Variants in KDM4B observed in about 807,000 individuals in gnomAD.
KDM4B encodes lysine-specific demethylase 4B.
KDM4B carries 32 observed loss-of-function variants against 125.2 expected under a neutral mutation model. The observed-to-expected ratio is 0.26, with a 90% CI of 0.19 to 0.34. KDM4B has a LOEUF of 0.34. Ranked by LOEUF, KDM4B falls within the 10% of genes least tolerant of loss-of-function variation. The probability of loss-of-function intolerance (pLI) is 1.00; values close to 1 mark genes in which losing one functional copy is unlikely to be tolerated. For missense variants in KDM4B, 1,190 were observed against 1,577.7 expected (o/e 0.75, Z 4.16); for synonymous variants, 721 against 677.9 (o/e 1.06, Z -0.99).
At chr19:5,025,878 T>G (rs1599443528) in intron 2 of KDM4B, among the ~76,000 whole-genome samples, 1 of 152,190 alleles carries the variant, frequency 6.6e-6, no homozygotes, top group African/African-American at 2.4e-5. Flanking sequence ...TTTATTTATT[T>G]TATTTTACTT....
rs1465170304 is a variant in KDM4B at position 5,110,801 on chromosome 19, G to A, written c.1098G>A (p.Lys366=). The change falls in exon 10 of 23, where the codon AAG becomes AAA. Residue 366 remains lysine (K), a synonymous_variant. Coordinates refer to ENST00000159111, the MANE Select transcript of KDM4B (RefSeq NM_015015.3). ...SSWSASRASL[K]AKLLRRSHRK... ...GGAGTGCATCCCGGGCCTCGCTGAA[G>A]GCCAAGCTCCTCCGCAGGTGAGTTG... 2 of 1,590,596 alleles carry A rather than the reference G, an allele frequency of 1.3e-6. No individual in the cohort carries two copies. The highest frequency in any genetic ancestry group is 2.7e-5 in the African/African-American group (2 of 74,584).
chr19:5,033,205 G>C (rs1034479912), intron 3 of KDM4B, among the ~76,000 whole-genome samples, 174 bp downstream of exon 3: 36 of 152,332 alleles, frequency 2.4e-4, no homozygotes, highest in African/African-American at 7.2e-4. Context: ...CCAACAATGT[G>C]CCAGGCACCA....
At chr19:4,999,251 CA>C (rs1181140138) in intron 1 of KDM4B, among the ~76,000 whole-genome samples, 2 of 152,114 alleles carry the variant, frequency 1.3e-5, no homozygotes, top group African/African-American at 4.8e-5. Flanking sequence ...GGTTATAATC[CA>C]CTGCCATCAC....
chr19:5,099,748 C>T (rs1250422025), intron 9 of KDM4B, among the ~76,000 whole-genome samples: 1 of 152,174 alleles, frequency 6.6e-6, no homozygotes, highest in Non-Finnish European at 1.5e-5. Flanking sequence ...AAAAGAGCCC[C>T]CAGAGAGCTC....
intron 1 of KDM4B, among the ~76,000 whole-genome samples, chr19:5,005,239 A>C (rs2035520884): frequency 6.6e-6 from 1 of 151,232 alleles, no homozygotes; most frequent in Non-Finnish European, 1.5e-5. Context: ...CAGGTGGCAC[A>C]AGTATGGAGA....
intron 3 of KDM4B, among the ~76,000 whole-genome samples, chr19:5,036,105 G>T (rs987321182): frequency 6.6e-6 from 1 of 152,208 alleles, no homozygotes; most frequent in Non-Finnish European, 1.5e-5. Context: ...GGGGCAGCCA[G>T]CCTCTTTGGA....
intron 1 of KDM4B, among the ~76,000 whole-genome samples, chr19:5,013,971 G>A (rs955183321): frequency 1.3e-5 from 2 of 152,240 alleles, no homozygotes; most frequent in Non-Finnish European, 2.9e-5. Context: ...AGGGGAAGAG[G>A]CGCAGCCCGT....
chr19:5,111,289 G>A, intron 10 of KDM4B: 2 of 709,184 alleles, frequency 2.8e-6, no homozygotes, highest in East Asian at 2.5e-5. Flanking sequence ...GGGGCATCAG[G>A]TGGGGCTGCT....
In KDM4B at chr19:5,038,577, C is replaced by T. The variant is rs138330735; in HGVS notation, c.142-1259C>T. On this transcript the variant is annotated intron_variant, in intron 3 of 22. Transcript: ENST00000159111. Reference sequence around the variant, plus strand: ...CCTTGTCTTCCTCTGCTGTCTTCTCCGCGTGTTCCAGTGTCTGAGGTGGCC... The same window carrying T: ...CCTTGTCTTCCTCTGCTGTCTTCTCTGCGTGTTCCAGTGTCTGAGGTGGCC... Among the ~76,000 whole-genome samples, 129 of 152,342 alleles carry T rather than the reference C, an allele frequency of 8.5e-4. 1 individual carries two copies. Among genetic ancestry groups the T allele is most frequent in the African/African-American group, 3.0e-3 (126 of 41,580 alleles).
At chr19:5,149,884 C>T (rs1356528698) in intron 21 of KDM4B, among the ~76,000 whole-genome samples, 1 of 152,212 alleles carries the variant, frequency 6.6e-6, no homozygotes, top group East Asian at 1.9e-4. Flanking sequence ...GGGACCCTGT[C>T]CTTCACCTTC....
chr19:5,046,789 C>A (rs1160850077), intron 5 of KDM4B, among the ~76,000 whole-genome samples: 1 of 152,208 alleles, frequency 6.6e-6, no homozygotes, highest in Non-Finnish European at 1.5e-5. Context: ...GCTGGGTTAG[C>A]CCCAAGTGGT....
At chr19:4,980,418 TTTC>T (rs1486094672) in intron 1 of KDM4B, among the ~76,000 whole-genome samples, 1 of 138,274 alleles carries the variant, frequency 7.2e-6, no homozygotes, top group African/African-American at 2.7e-5. Flanking sequence ...GTCCCTTTTC[TTTC>T]TTTTTTTTTT....
intron 11 of KDM4B, among the ~76,000 whole-genome samples, chr19:5,121,846 G>A (rs548316123): frequency 1.6e-4 from 25 of 152,230 alleles, no homozygotes; most frequent in Admixed American, 5.9e-4. Context: ...CCCAAGGCCT[G>A]TCAAGAGGCT....
At chr19:5,102,371 A>G (rs1381389529) in intron 9 of KDM4B, among the ~76,000 whole-genome samples, 1 of 152,168 alleles carries the variant, frequency 6.6e-6, no homozygotes, top group African/African-American at 2.4e-5. Context: ...CTGGCTGCCC[A>G]GGAGGGATGT....
At chr19:5,089,311 TC>T (rs2038612607) in intron 9 of KDM4B, among the ~76,000 whole-genome samples, 1 of 152,200 alleles carries the variant, frequency 6.6e-6, no homozygotes, top group African/African-American at 2.4e-5. Context: ...CACATGTGTC[TC>T]CTGTGGCCTA....
At chr19:5,019,916 G>GCA (rs1157981955) in intron 2 of KDM4B, among the ~76,000 whole-genome samples, 5 of 143,712 alleles carry the variant, frequency 3.5e-5, no homozygotes, top group African/African-American at 8.0e-5. Flanking sequence ...GTGTTGGTGT[G>GCA]GATGTTGGTG....
intron 2 of KDM4B, among the ~76,000 whole-genome samples, chr19:5,024,687 A>G (rs992404682): frequency 6.6e-6 from 1 of 152,092 alleles, no homozygotes; most frequent in Non-Finnish European, 1.5e-5. Context: ...GCAGTGGCTC[A>G]TGCCTGTAAT....
chr19:5,025,976 G>A (rs2036265661), intron 2 of KDM4B, among the ~76,000 whole-genome samples: 1 of 152,008 alleles, frequency 6.6e-6, no homozygotes, highest in Non-Finnish European at 1.5e-5. Context: ...TCTGCCTCCT[G>A]GGTTCAGGCA....
At chr19:5,022,405 T>G (rs901798933) in intron 2 of KDM4B, among the ~76,000 whole-genome samples, 4 of 152,158 alleles carry the variant, frequency 2.6e-5, no homozygotes, top group Admixed American at 6.5e-5. Context: ...GGCTCACATC[T>G]CGTGGCTTCA....
Sources: allele counts gnomAD v4.1 joint callset (sites outside exome capture counted in the v4.1 genomes callset), GRCh38; gene constraint gnomAD v4.1.1; transcripts MANE v1.5; gene names NCBI Gene and HGNC (gene_info 2026-07-23, HGNC 2026-07-21).